NPAS3: variants seen among roughly 807,000 people sequenced by gnomAD.
NPAS3 encodes the protein neuronal PAS domain-containing protein 3.
NPAS3 carries 14 observed loss-of-function variants against 73.1 expected under a neutral mutation model. The ratio of observed to expected loss-of-function variants is 0.19; its 90% confidence interval spans 0.13 to 0.30. The LOEUF (loss-of-function observed/expected upper bound fraction) is 0.30. Ranked by LOEUF, NPAS3 falls within the 10% of genes least tolerant of loss-of-function variation. NPAS3 has a pLI of 1.00. For missense variants in NPAS3, 1,096 were observed against 1,250.0 expected (o/e 0.88, Z 1.86); for synonymous variants, 620 against 541.5 (o/e 1.14, Z -2.01).
intron 2 of NPAS3, among the ~76,000 whole-genome samples, chr14:33,085,099 G>C (rs945059731): frequency 6.6e-6 from 1 of 152,104 alleles, no homozygotes; most frequent in Admixed American, 6.5e-5. Context: ...ATTATTCTGG[G>C]CTTCCTTCTC....
At chr14:33,628,519 A>G (rs2058285388) in intron 5 of NPAS3, among the ~76,000 whole-genome samples, 2 of 152,230 alleles carry the variant, frequency 1.3e-5, no homozygotes, top group African/African-American at 4.8e-5. Flanking sequence ...TTGAAAGAGC[A>G]TTTAGTTCAA....
intron 2 of NPAS3, among the ~76,000 whole-genome samples, chr14:33,106,474 A>G (rs2042724679): frequency 6.6e-6 from 1 of 152,162 alleles, no homozygotes; most frequent in Non-Finnish European, 1.5e-5. Flanking sequence ...AATTGCTATC[A>G]AAATTTTTTG....
At chr14:33,002,703 G>T (rs745329815) in intron 1 of NPAS3, among the ~76,000 whole-genome samples, 4 of 152,196 alleles carry the variant, frequency 2.6e-5, no homozygotes, top group Non-Finnish European at 5.9e-5. Flanking sequence ...TCTGATAAAT[G>T]TAGTATTGAT....
At chr14:33,594,817 G>A (rs80327698) in intron 5 of NPAS3, among the ~76,000 whole-genome samples, 2,730 of 152,232 alleles carry the variant, frequency 0.018, 80 homozygotes, top group African/African-American at 0.062. Flanking sequence ...TCTTCATCTC[G>A]TTAGTGGATG....
chr14:32,949,859 ATTAG>A (rs1566791690), intron 1 of NPAS3, among the ~76,000 whole-genome samples: 1 of 152,004 alleles, frequency 6.6e-6, no homozygotes, highest in Non-Finnish European at 1.5e-5. Flanking sequence ...TTTTAAAAAA[ATTAG>A]TTATGCTACA....
intron 2 of NPAS3, among the ~76,000 whole-genome samples, chr14:33,079,140 T>C (rs2041772301): frequency 6.6e-6 from 1 of 152,118 alleles, no homozygotes; most frequent in Non-Finnish European, 1.5e-5. Context: ...GTGTCCATTT[T>C]GGGGTTATTT....
chr14:33,255,544 A>G (rs1029358464), intron 3 of NPAS3, among the ~76,000 whole-genome samples: 2 of 152,152 alleles, frequency 1.3e-5, no homozygotes, highest in Admixed American at 6.5e-5. Flanking sequence ...CCAAGGCTCA[A>G]TTGCCAAGTG....
At chr14:33,228,115 G>A (rs754533267) in intron 3 of NPAS3, among the ~76,000 whole-genome samples, 36 of 152,222 alleles carry the variant, frequency 2.4e-4, no homozygotes, top group African/African-American at 7.5e-4. Context: ...TAGGATTCCC[G>A]TTTGTGATTT....
At chr14:32,981,378 A>G (rs2037890541) in intron 1 of NPAS3, among the ~76,000 whole-genome samples, 1 of 152,182 alleles carries the variant, frequency 6.6e-6, no homozygotes, top group South Asian at 2.1e-4. Context: ...TCTTGAGACT[A>G]CTTTATAGAC....
At chr14:33,704,777 A>G (rs914161781) in intron 6 of NPAS3, among the ~76,000 whole-genome samples, 1 of 152,208 alleles carries the variant, frequency 6.6e-6, no homozygotes, top group African/African-American at 2.4e-5. Context: ...GACGTGCACC[A>G]AGGCTAATAA....
intron 3 of NPAS3, among the ~76,000 whole-genome samples, chr14:33,228,742 A>T (rs776809005): frequency 5.9e-5 from 9 of 152,136 alleles, no homozygotes; most frequent in Non-Finnish European, 1.3e-4. Context: ...ACGCATTCTC[A>T]CCAAATAATA....
chr14:33,340,138 C>CTT (rs1351421575), intron 3 of NPAS3, among the ~76,000 whole-genome samples: 1 of 152,102 alleles, frequency 6.6e-6, no homozygotes, highest in African/African-American at 2.4e-5. Flanking sequence ...ACAGAGTGAG[C>CTT]TTATATCAGA....
chr14:33,789,657 C>T (rs1265975019), intron 9 of NPAS3, among the ~76,000 whole-genome samples: 3 of 128,976 alleles, frequency 2.3e-5, no homozygotes, highest in Non-Finnish European at 4.7e-5. Context: ...GGCGGGATCT[C>T]GGCTCACTGC....
At chr14:33,629,536 G>T (rs1169589442) in intron 5 of NPAS3, among the ~76,000 whole-genome samples, 1 of 151,764 alleles carries the variant, frequency 6.6e-6, no homozygotes, top group East Asian at 1.9e-4. Context: ...TGATAGCAGT[G>T]AGGCTTGTAC....
At chr14:33,690,674 A>G (rs2060210730) in intron 6 of NPAS3, among the ~76,000 whole-genome samples, 1 of 150,760 alleles carries the variant, frequency 6.6e-6, no homozygotes, top group African/African-American at 2.5e-5. Flanking sequence ...CAAATACAAG[A>G]GTCATTTCAA....
chr14:33,206,399 T>C (rs1007975925), intron 2 of NPAS3, among the ~76,000 whole-genome samples: 8 of 152,144 alleles, frequency 5.3e-5, no homozygotes, highest in African/African-American at 1.9e-4. Context: ...GCACCTAAAG[T>C]CCAGCATCCA....
intron 1 of NPAS3, among the ~76,000 whole-genome samples, chr14:32,979,504 G>A (rs2037814271): frequency 6.6e-6 from 1 of 152,072 alleles, no homozygotes; most frequent in African/African-American, 2.4e-5. Context: ...ATCAGTGTAA[G>A]GTCACATCGG....
intron 3 of NPAS3, among the ~76,000 whole-genome samples, chr14:33,287,616 C>T (rs1388847515): frequency 6.6e-6 from 1 of 152,178 alleles, no homozygotes; most frequent in Non-Finnish European, 1.5e-5. Flanking sequence ...CTGCATCCCT[C>T]TCCTACTACT....
intron 3 of NPAS3, among the ~76,000 whole-genome samples, chr14:33,319,251 AAC>A (rs1201413662): frequency 6.6e-6 from 1 of 152,150 alleles, no homozygotes; most frequent in Non-Finnish European, 1.5e-5. Flanking sequence ...GGCAGGAGCT[AAC>A]ACAGTGTCAC....
Sources: gnomAD v4.1 joint callset for allele counts (sites outside exome capture counted in the v4.1 genomes callset) on GRCh38, gnomAD v4.1.1 for gene constraint, MANE v1.5 for transcripts, NCBI Gene and HGNC (gene_info 2026-07-23, HGNC 2026-07-21) for gene names.